Variants in TEX11 observed in about 807,000 individuals in gnomAD.
TEX11 encodes testis expressed 11, also known as testis-expressed protein 11.
In TEX11, 7 loss-of-function variants were observed where a neutral mutation model predicts 84.4. The observed-to-expected ratio is 0.08, with a 90% CI of 0.05 to 0.16. TEX11 has a LOEUF of 0.16. Ranked by LOEUF, TEX11 falls within the 10% of genes least tolerant of loss-of-function variation. The pLI, the probability that TEX11 is intolerant of heterozygous loss-of-function variation, is 1.00. For missense variants in TEX11, 551 were observed against 660.5 expected (o/e 0.83, Z 1.82); for synonymous variants, 264 against 222.8 (o/e 1.18, Z -1.64).
At chrX:70,743,735 G>A (rs1305003902) in intron 10 of TEX11, among the ~76,000 whole-genome samples, 2 of 109,930 alleles carry the variant, frequency 1.8e-5, no homozygotes, top group Non-Finnish European at 3.8e-5. Context: ...AATTATCCAG[G>A]TGTGGTGGCT....
At chrX:70,724,686 C>T (rs1185465156) in intron 12 of TEX11, among the ~76,000 whole-genome samples, 1 of 110,846 alleles carries the variant, frequency 9.0e-6, no homozygotes, top group African/African-American at 3.3e-5. Flanking sequence ...ACATATATTG[C>T]ACACTATGCA....
chrX:70,576,425 A>T (rs2088674785), intron 25 of TEX11, among the ~76,000 whole-genome samples: 1 of 112,307 alleles, frequency 8.9e-6, no homozygotes, highest in African/African-American at 3.2e-5. Flanking sequence ...AGTCAGAATA[A>T]TTTTTCTAAA....
intron 10 of TEX11, among the ~76,000 whole-genome samples, chrX:70,743,333 C>T (rs1001046515): frequency 8.1e-5 from 9 of 111,669 alleles, no homozygotes; most frequent in African/African-American, 2.9e-4. Context: ...TCTTTTATTC[C>T]CCATATATTA....
intron 18 of TEX11, among the ~76,000 whole-genome samples, chrX:70,625,594 C>T (rs1424074757): frequency 3.6e-5 from 4 of 109,988 alleles, no homozygotes; most frequent in Non-Finnish European, 7.6e-5. Context: ...CATTCTATTC[C>T]CTAAAATCCT....
Position 70,651,466 on chromosome X carries a change from C to T in TEX11, c.1467G>A (p.Glu489=). The T allele has an allele frequency of 8.3e-7, 1 of 1,199,701 alleles. No individual in the cohort carries two copies. The highest frequency in any genetic ancestry group is 1.1e-6 in the Non-Finnish European group (1 of 887,155). Residue 489 remains glutamate (E), a synonymous_variant, in exon 17 of 30, where the codon GAG becomes GAA. Coordinates refer to ENST00000374333, the MANE Select transcript of TEX11 (RefSeq NM_031276.3). ...AATTTATACCTCTTTCAGAGTTGCC[C>T]TCTATGACTGCAATCTTGAATATAT... ...QFYIFKIAVI[E]GNSERALQAI... is the part of the protein sequence containing the mutation.
chrX:70,747,671 G>A (rs180877400), intron 9 of TEX11, among the ~76,000 whole-genome samples: 11 of 111,537 alleles, frequency 9.9e-5, no homozygotes, highest in South Asian at 3.7e-4. Flanking sequence ...TTTTAAAATC[G>A]TGTTTAAAAA....
chrX:70,633,889 G>GC (rs762621342), intron 17 of TEX11, among the ~76,000 whole-genome samples: 2 of 111,709 alleles, frequency 1.8e-5, no homozygotes, highest in East Asian at 5.6e-4. Flanking sequence ...CCGCACTCCA[G>GC]CCTAGGTGAC....
intron 27 of TEX11, 85 bp downstream of exon 27, chrX:70,553,221 G>T: frequency 3.6e-6 from 2 of 557,986 alleles, no homozygotes. Context: ...CTTTAAAGTT[G>T]AGTCAATTAA....
At chrX:70,553,218 G>A (rs2088241357) in intron 27 of TEX11, 88 bp downstream of exon 27, 1 of 550,305 alleles carries the variant, frequency 1.8e-6, no homozygotes, top group African/African-American at 2.4e-5. Flanking sequence ...CATCTTTAAA[G>A]TTGAGTCAAT....
chrX:70,737,069 A>G (rs1244782914), intron 11 of TEX11, among the ~76,000 whole-genome samples: 1 of 111,770 alleles, frequency 8.9e-6, no homozygotes, highest in Non-Finnish European at 1.9e-5. Context: ...TGACATAGAT[A>G]TTAGAATTAT....
chrX:70,565,915 A>G (rs1316294830), intron 25 of TEX11, among the ~76,000 whole-genome samples: 6 of 110,360 alleles, frequency 5.4e-5, no homozygotes, highest in Admixed American at 9.7e-5. Flanking sequence ...ATGAACTTTA[A>G]AGTAGTTTTT....
At chrX:70,894,293 A>T (rs1007718649) in intron 2 of TEX11, among the ~76,000 whole-genome samples, 1 of 111,104 alleles carries the variant, frequency 9.0e-6, no homozygotes, top group African/African-American at 3.3e-5. Context: ...TTTCAGGCCA[A>T]TATCACTGAT....
intron 9 of TEX11, among the ~76,000 whole-genome samples, chrX:70,781,420 T>C (rs2091038389): frequency 8.9e-6 from 1 of 111,778 alleles, no homozygotes; most frequent in African/African-American, 3.3e-5. Context: ...CTCCAAAGGA[T>C]CACAGCTCCT....
chrX:70,885,497 G>GA (rs1313980535), intron 2 of TEX11, among the ~76,000 whole-genome samples: 1 of 111,333 alleles, frequency 9.0e-6, no homozygotes, highest in African/African-American at 3.3e-5. Context: ...CAGGTATATG[G>GA]AAAAAATCTC....
intron 13 of TEX11, among the ~76,000 whole-genome samples, chrX:70,718,176 G>T (rs1323438633): frequency 1.8e-5 from 2 of 111,809 alleles, no homozygotes; most frequent in African/African-American, 6.5e-5. Context: ...TGTCTAATTA[G>T]GATTCAGTAC....
At chrX:70,683,044 A>G (rs756571415) in intron 13 of TEX11, among the ~76,000 whole-genome samples, 1 of 111,685 alleles carries the variant, frequency 9.0e-6, no homozygotes, top group South Asian at 3.8e-4. Context: ...ATTAACACCT[A>G]TAGTCAGATA....
At position 70,853,192 on chromosome X, in the gene TEX11, T is replaced by C. The variant is rs765489112; in HGVS notation, c.406-39A>G. 3.3e-6 allele frequency: 4 copies of C among 1,207,143 alleles called. No individual in the cohort carries two copies. The African/African-American group carries it at 7.0e-5, about 21-fold the overall frequency. On this transcript the variant is annotated intron_variant, in intron 6 of 29. Transcript: ENST00000374333. ...CCACAGTACAATGTAACAATGAGAA[T>C]AACCACAGATGTTACTACTAATAAT...
chrX:70,907,407 AT>A (rs532492019), intron 2 of TEX11, among the ~76,000 whole-genome samples: 515 of 106,492 alleles, frequency 4.8e-3, no homozygotes, highest in Middle Eastern at 0.014. Context: ...AAATATTTAG[AT>A]TTTTTTTTTT....
intron 24 of TEX11, among the ~76,000 whole-genome samples, chrX:70,599,355 T>C (rs920835665): frequency 3.6e-5 from 4 of 111,841 alleles, no homozygotes; most frequent in African/African-American, 1.3e-4. Context: ...TTTTTACCTA[T>C]CCCTCAATTT....
Sources: gnomAD v4.1 joint callset for allele counts (sites outside exome capture counted in the v4.1 genomes callset) on GRCh38, gnomAD v4.1.1 for gene constraint, MANE v1.5 for transcripts, NCBI Gene and HGNC (gene_info 2026-07-23, HGNC 2026-07-21) for gene names.